Variants in MAGI1 observed in about 807,000 individuals in gnomAD.
The protein encoded by MAGI1 is membrane-associated guanylate kinase, WW and PDZ domain-containing protein 1.
Under a neutral mutation model 139.9 loss-of-function variants are expected in MAGI1, and 58 were observed. That is an observed-to-expected ratio of 0.41 (90% CI 0.34 to 0.52). The LOEUF (loss-of-function observed/expected upper bound fraction) is 0.52. Among genes scored for constraint, MAGI1 ranks in the 20% least tolerant of loss-of-function variants. The pLI is 0.12. For synonymous variants in MAGI1, 812 were observed against 737.9 expected (o/e 1.10, Z -1.63); for missense variants, 1,874 against 1,901.6 (o/e 0.99, Z 0.27).
chr3:65,855,866 T>A lies in MAGI1; in HGVS notation c.313+182130A>T, dbSNP rs142059790. On this transcript the variant is annotated intron_variant, in intron 1 of 22. Transcript: ENST00000402939. The stretch of plus-strand genomic sequence containing the variant: ...CATTCATGTGTATCCACTCACTCAT[T>A]CTTTCCCTCACTTACGCAACAGCTA... 3.4e-3 allele frequency among the ~76,000 whole-genome samples: 523 copies of A among 151,732 alleles called. 3 individuals are homozygous for A. Among genetic ancestry groups the A allele is most frequent in the Non-Finnish European group, 5.9e-3 (403 of 67,948 alleles).
chr3:65,675,847 G>C (rs2087156452), intron 1 of MAGI1, among the ~76,000 whole-genome samples: 1 of 152,094 alleles, frequency 6.6e-6, no homozygotes, highest in Non-Finnish European at 1.5e-5. Flanking sequence ...TTCCAATACT[G>C]GAAAAAAACA....
chr3:65,472,273 T>C (rs998417484), intron 4 of MAGI1, among the ~76,000 whole-genome samples: 1 of 152,186 alleles, frequency 6.6e-6, no homozygotes, highest in Non-Finnish European at 1.5e-5. Flanking sequence ...GATTCATTTC[T>C]GGCATATCTT....
chr3:65,764,165 A>G (rs1370526679), intron 1 of MAGI1, among the ~76,000 whole-genome samples: 2 of 151,808 alleles, frequency 1.3e-5, no homozygotes, highest in African/African-American at 4.8e-5. Flanking sequence ...GTTTCCTTTT[A>G]TGATCAACAT....
chr3:65,468,497 T>A (rs1950329344), intron 5 of MAGI1, among the ~76,000 whole-genome samples: 1 of 147,170 alleles, frequency 6.8e-6, no homozygotes, highest in South Asian at 2.2e-4. Flanking sequence ...TGCCTCAGCC[T>A]CTCAAGTGGC....
intron 1 of MAGI1, among the ~76,000 whole-genome samples, chr3:65,836,467 G>C (rs2042808408): frequency 6.6e-6 from 1 of 152,152 alleles, no homozygotes; most frequent in Non-Finnish European, 1.5e-5. Context: ...GGAAGCACAG[G>C]ACAAAGACAG....
intron 14 of MAGI1, chr3:65,387,291 T>A: frequency 2.4e-6 from 3 of 1,259,028 alleles, no homozygotes; most frequent in African/African-American, 1.5e-5. Flanking sequence ...TTCACTTTAA[T>A]TTAGTTTTGA....
chr3:65,549,218 G>C (rs953804329), intron 2 of MAGI1, among the ~76,000 whole-genome samples: 22 of 152,254 alleles, frequency 1.4e-4, no homozygotes, highest in Admixed American at 1.2e-3. Flanking sequence ...ACGCCCGGGC[G>C]GGCGGCAAGT....
At chr3:66,032,896 C>T (rs1365124140) in intron 1 of MAGI1, among the ~76,000 whole-genome samples, 2 of 120,524 alleles carry the variant, frequency 1.7e-5, no homozygotes, top group African/African-American at 3.2e-5. Context: ...GCCTGGGCAA[C>T]AGAGCGAAAC....
chr3:65,675,856 C>T (rs779050857), intron 1 of MAGI1, among the ~76,000 whole-genome samples: 1 of 152,162 alleles, frequency 6.6e-6, no homozygotes, highest in Non-Finnish European at 1.5e-5. Flanking sequence ...TGGAAAAAAA[C>T]AATTGGGCTG....
chr3:65,684,940 A>G (rs1229250225), intron 1 of MAGI1, among the ~76,000 whole-genome samples: 2 of 139,882 alleles, frequency 1.4e-5, no homozygotes, highest in Non-Finnish European at 3.0e-5. Flanking sequence ...CTGGTCTCGA[A>G]CTCCTGGGCT....
chr3:65,869,110 C>T (rs2059828124), intron 1 of MAGI1, among the ~76,000 whole-genome samples: 1 of 151,466 alleles, frequency 6.6e-6, no homozygotes, highest in Non-Finnish European at 1.5e-5. Flanking sequence ...AAAAAATTAG[C>T]AGGGCGTGGT....
chr3:65,952,890 CT>C (rs1392921355), intron 1 of MAGI1, among the ~76,000 whole-genome samples: 1 of 152,204 alleles, frequency 6.6e-6, no homozygotes, highest in African/African-American at 2.4e-5. Context: ...AAAGTATTTC[CT>C]GTTGTTTGTC....
intron 2 of MAGI1, among the ~76,000 whole-genome samples, chr3:65,534,604 G>A (rs41473445): frequency 1.2e-4 from 19 of 152,104 alleles, no homozygotes; most frequent in Non-Finnish European, 2.4e-4. Flanking sequence ...GCCACAGTTC[G>A]CTGAGAGCTA....
chr3:65,632,118 A>G (rs2084352220), intron 1 of MAGI1, among the ~76,000 whole-genome samples: 1 of 152,192 alleles, frequency 6.6e-6, no homozygotes, highest in Non-Finnish European at 1.5e-5. Context: ...AATTTGCTGA[A>G]ATTTCCTAGA....
intron 1 of MAGI1, among the ~76,000 whole-genome samples, chr3:65,640,284 T>A (rs1397458830): frequency 6.6e-6 from 1 of 152,188 alleles, no homozygotes; most frequent in African/African-American, 2.4e-5. Flanking sequence ...ATCTGCCTCC[T>A]TTAGCTCCAA....
intron 1 of MAGI1, among the ~76,000 whole-genome samples, chr3:65,655,916 T>C (rs1444273618): frequency 6.6e-6 from 1 of 152,212 alleles, no homozygotes; most frequent in African/African-American, 2.4e-5. Flanking sequence ...AGAAGTCATG[T>C]TATTTAACAG....
chr3:65,507,890 G>C (rs982618578), intron 2 of MAGI1, among the ~76,000 whole-genome samples: 4 of 132,446 alleles, frequency 3.0e-5, no homozygotes, highest in African/African-American at 8.0e-5. Flanking sequence ...GTAGCTTTTA[G>C]AGGTGATTTT....
chr3:65,869,867 T>G (rs757429073), intron 1 of MAGI1, among the ~76,000 whole-genome samples: 1 of 152,176 alleles, frequency 6.6e-6, no homozygotes, highest in Admixed American at 6.5e-5. Flanking sequence ...GCTTATTTCA[T>G]GAGAATGAGA....
chr3:65,432,365 C>T (rs984180873), intron 10 of MAGI1, among the ~76,000 whole-genome samples: 1 of 152,308 alleles, frequency 6.6e-6, no homozygotes, highest in Non-Finnish European at 1.5e-5. Flanking sequence ...TAGTCCCCTA[C>T]ACCCCTGTAC....
Sources: gnomAD v4.1 joint callset for allele counts (sites outside exome capture counted in the v4.1 genomes callset) on GRCh38, gnomAD v4.1.1 for gene constraint, MANE v1.5 for transcripts, NCBI Gene and HGNC (gene_info 2026-07-23, HGNC 2026-07-21) for gene names.